GALNTL6: variants seen among roughly 807,000 people sequenced by gnomAD.
GALNTL6 encodes the protein polypeptide N-acetylgalactosaminyltransferase like 6, also known as polypeptide N-acetylgalactosaminyltransferase-like 6.
GALNTL6 carries 46 observed loss-of-function variants against 73.7 expected under a neutral mutation model. That is an observed-to-expected ratio of 0.62 (90% CI 0.49 to 0.80). The LOEUF (loss-of-function observed/expected upper bound fraction) is 0.80. Ranked by LOEUF, GALNTL6 falls within the 30% of genes least tolerant of loss-of-function variation. GALNTL6 has a pLI of 0.00. For missense variants in GALNTL6, 604 were observed against 755.0 expected (o/e 0.80, Z 2.34); for synonymous variants, 259 against 263.7 (o/e 0.98, Z 0.17).
chr4:172,978,937 G>A (rs1750955874), intron 10 of GALNTL6, among the ~76,000 whole-genome samples: 2 of 152,214 alleles, frequency 1.3e-5, no homozygotes, highest in South Asian at 4.1e-4. Context: ...TCACTTTAAT[G>A]TCTCTCCTCA....
At chr4:172,934,626 C>T (rs930208103) in intron 9 of GALNTL6, among the ~76,000 whole-genome samples, 2 of 150,302 alleles carry the variant, frequency 1.3e-5, no homozygotes, top group Admixed American at 1.3e-4. Context: ...AGCTCGGGGC[C>T]TATTGTCAGC....
At chr4:172,684,046 A>G (rs1732781013) in intron 5 of GALNTL6, among the ~76,000 whole-genome samples, 1 of 152,198 alleles carries the variant, frequency 6.6e-6, no homozygotes, top group Admixed American at 6.5e-5. Flanking sequence ...TCTATAAAGG[A>G]TAGATCGCTG....
At chr4:171,905,557 C>G (rs978590812) in intron 2 of GALNTL6, among the ~76,000 whole-genome samples, 2 of 150,136 alleles carry the variant, frequency 1.3e-5, no homozygotes, top group Non-Finnish European at 2.9e-5. Flanking sequence ...GACTTTAACA[C>G]CCCACTGTCA....
chr4:172,790,189 C>A lies in GALNTL6; in HGVS notation c.554-19172C>A, dbSNP rs569986105. 3.3e-5 allele frequency among the ~76,000 whole-genome samples: 5 copies of A among 152,304 alleles called. No homozygotes were observed. The South Asian group carries it at 1.0e-3, about 32-fold the overall frequency. On this transcript the variant is annotated intron_variant, in intron 5 of 12. Transcript: ENST00000506823. ...TTTGGTTCTGAGGGCCCAGCTGAGG[C>A]TGAAGGGTTATCTATTTATTGTGGT...
intron 5 of GALNTL6, among the ~76,000 whole-genome samples, chr4:172,793,525 C>T (rs1479325550): frequency 5.9e-5 from 9 of 152,118 alleles, no homozygotes; most frequent in Non-Finnish European, 1.3e-4. Flanking sequence ...AAAAGCATCC[C>T]GGGACCATGG....
chr4:172,881,442 C>A (rs1745444813), intron 7 of GALNTL6, among the ~76,000 whole-genome samples: 1 of 152,170 alleles, frequency 6.6e-6, no homozygotes, highest in Non-Finnish European at 1.5e-5. Context: ...TCTTCATCTG[C>A]ATAAAGCCTA....
At chr4:171,933,637 A>G (rs1738253541) in intron 2 of GALNTL6, among the ~76,000 whole-genome samples, 1 of 152,160 alleles carries the variant, frequency 6.6e-6, no homozygotes, top group South Asian at 2.1e-4. Context: ...TTTGTGTTGT[A>G]TATTTACTTA....
chr4:172,009,063 G>C (rs1740922106), intron 2 of GALNTL6, among the ~76,000 whole-genome samples: 1 of 151,986 alleles, frequency 6.6e-6, no homozygotes, highest in African/African-American at 2.4e-5. Flanking sequence ...ATTATATTAT[G>C]TTGCATTGTT....
At chr4:172,443,436 G>T (rs570910478) in intron 5 of GALNTL6, among the ~76,000 whole-genome samples, 13 of 151,844 alleles carry the variant, frequency 8.6e-5, no homozygotes, top group African/African-American at 2.4e-4. Flanking sequence ...AAAGTGCTGG[G>T]ATTGCAGGCG....
intron 7 of GALNTL6, among the ~76,000 whole-genome samples, chr4:172,825,262 GGGA>G (rs1742202715): frequency 1.3e-5 from 2 of 151,896 alleles, no homozygotes; most frequent in Admixed American, 1.3e-4. Context: ...TCTTGCGGGA[GGGA>G]GGGAGATTAT....
At chr4:172,627,527 C>T (rs1305886924) in intron 5 of GALNTL6, among the ~76,000 whole-genome samples, 1 of 149,936 alleles carries the variant, frequency 6.7e-6, no homozygotes, top group Non-Finnish European at 1.5e-5. Flanking sequence ...GAAGAAATGC[C>T]TCTTCCTTGT....
chr4:172,741,766 A>T lies in GALNTL6; in HGVS notation c.554-67595A>T, dbSNP rs368606496. ...CTGCTACATATATTTAAACTTATAGATAACAAGTGAAGACAGTTTCACTCT... is the reference window on the plus strand; with the variant it reads ...CTGCTACATATATTTAAACTTATAGTTAACAAGTGAAGACAGTTTCACTCT... On this transcript the variant is annotated intron_variant, in intron 5 of 12. Transcript: ENST00000506823. 1.2e-4 allele frequency among the ~76,000 whole-genome samples: 18 copies of T among 152,140 alleles called. No individual in the cohort carries two copies. In the East Asian group the frequency reaches 2.5e-3, roughly 21 times the overall value.
intron 5 of GALNTL6, among the ~76,000 whole-genome samples, chr4:172,436,093 T>A (rs1200546766): frequency 6.6e-6 from 1 of 152,144 alleles, no homozygotes; most frequent in Non-Finnish European, 1.5e-5. Flanking sequence ...TGTGTTTAGT[T>A]ATCCAGGGAC....
intron 5 of GALNTL6, among the ~76,000 whole-genome samples, chr4:172,361,170 T>A (rs1742353671): frequency 6.6e-6 from 1 of 152,178 alleles, no homozygotes; most frequent in Non-Finnish European, 1.5e-5. Context: ...ATTTCAGAAT[T>A]CAGAAAGGTA....
intron 7 of GALNTL6, among the ~76,000 whole-genome samples, chr4:172,823,860 A>C (rs1340590709): frequency 6.6e-6 from 1 of 152,182 alleles, no homozygotes; most frequent in East Asian, 1.9e-4. Flanking sequence ...ATCTTTAACA[A>C]GGGGGCCAGG....
chr4:172,278,515 A>G (rs1319585759), intron 3 of GALNTL6, among the ~76,000 whole-genome samples: 4 of 152,128 alleles, frequency 2.6e-5, no homozygotes, highest in South Asian at 4.1e-4. Flanking sequence ...CCTCCTGGTC[A>G]TCATCCTGGG....
chr4:172,773,891 C>T (rs1738917851), intron 5 of GALNTL6, among the ~76,000 whole-genome samples: 1 of 151,902 alleles, frequency 6.6e-6, no homozygotes, highest in Non-Finnish European at 1.5e-5. Context: ...ACAATTGGCT[C>T]AATCAAGTTT....
intron 5 of GALNTL6, among the ~76,000 whole-genome samples, chr4:172,368,471 T>C (rs1224133058): frequency 1.3e-5 from 2 of 152,166 alleles, no homozygotes; most frequent in African/African-American, 4.8e-5. Flanking sequence ...AGTACACCAA[T>C]AAGTTTTCAA....
At chr4:172,708,299 C>A (rs1734487798) in intron 5 of GALNTL6, among the ~76,000 whole-genome samples, 1 of 152,198 alleles carries the variant, frequency 6.6e-6, no homozygotes, top group African/African-American at 2.4e-5. Flanking sequence ...CTCAAGTAAT[C>A]CGCCCAACTT....
Sources: gnomAD v4.1 joint callset for allele counts (sites outside exome capture counted in the v4.1 genomes callset) on GRCh38, gnomAD v4.1.1 for gene constraint, MANE v1.5 for transcripts, NCBI Gene and HGNC (gene_info 2026-07-23, HGNC 2026-07-21) for gene names.